BEND6: variants seen among roughly 807,000 people sequenced by gnomAD.
BEND6 encodes BEN domain-containing protein 6.
Under a neutral mutation model 31.8 loss-of-function variants are expected in BEND6, and 24 were observed. That is an observed-to-expected ratio of 0.75 (90% confidence interval 0.55 to 1.06). The LOEUF is 1.06. Among genes scored for constraint, BEND6 ranks in the 50% least tolerant of loss-of-function variants. The pLI is 0.00. For missense variants in BEND6, 294 were observed against 327.4 expected, an observed-to-expected ratio of 0.90 and a Z score of 0.79; for synonymous variants, 109 against 114.6, an observed-to-expected ratio of 0.95 and a Z score of 0.31.
chr6:57,004,311 G>A (rs549969240), intron 3 of BEND6, among the ~76,000 whole-genome samples: 62 of 152,236 alleles, frequency 4.1e-4, no homozygotes, highest in African/African-American at 1.5e-3. Context: ...AAACGATAAC[G>A]ACTCTAGTGA....
intron 6 of BEND6, among the ~76,000 whole-genome samples, chr6:57,019,848 G>C (rs1827682094): frequency 6.6e-6 from 1 of 152,196 alleles, no homozygotes; most frequent in South Asian, 2.1e-4. Context: ...AGTCCCAATG[G>C]TTTGGGAGGC....
chr6:57,015,095 A>C (rs552768315), intron 3 of BEND6, 38 bp from the exon 4 acceptor site: 1 of 1,553,020 alleles, frequency 6.4e-7, no homozygotes, highest in Admixed American at 1.7e-5. Flanking sequence ...CCTATTATCA[A>C]TGGTATTTGT....
At chr6:56,968,312 C>CTTTTTTTTTTTT (rs779756084) in intron 1 of BEND6, among the ~76,000 whole-genome samples, 49 of 65,986 alleles carry the variant, frequency 7.4e-4, no homozygotes, top group Middle Eastern at 0.019. Flanking sequence ...TCTTTCTTTT[C>CTTTTTTTTTTTT]TTTTTTTTTT....
In BEND6 at chr6:57,017,300, T is replaced by C; in HGVS notation, c.613T>C (p.Tyr205His). Residue 205 changes from tyrosine (Y) to histidine (H), a missense_variant, in exon 5 of 7, where the codon TAC becomes CAC. Transcript: ENST00000370746. Reference sequence around the variant, plus strand: ...AATGCAAGTACTTTACACAAATGAATACATGGCCACTCACAGCCTGACAGG... The same window carrying C: ...AATGCAAGTACTTTACACAAATGAACACATGGCCACTCACAGCCTGACAGG... ...DLMQVLYTNEYMATHSLTGAK... is the reference protein window; with the variant it reads ...DLMQVLYTNEHMATHSLTGAK... 6.6e-7 allele frequency: 1 copy of C among 1,514,580 alleles called. No individual in the cohort carries two copies. The highest frequency in any genetic ancestry group is 1.8e-4 in the Middle Eastern group (1 of 5,710). 93.8% of individuals were successfully genotyped at this position (1,514,580 alleles called of 1,614,324 possible).
chr6:56,995,978 AC>A (rs1826694101), intron 3 of BEND6, among the ~76,000 whole-genome samples: 1 of 152,202 alleles, frequency 6.6e-6, no homozygotes, highest in Admixed American at 6.5e-5. Flanking sequence ...TTTCCAGGAT[AC>A]CAAAATCACC....
intron 6 of BEND6, among the ~76,000 whole-genome samples, chr6:57,025,229 T>G (rs1327597741): frequency 6.6e-6 from 1 of 152,214 alleles, no homozygotes; most frequent in African/African-American, 2.4e-5. Context: ...TCTTGCTTTG[T>G]CTGTATGAAG....
At chr6:57,001,156 T>C (rs1826926470) in intron 3 of BEND6, among the ~76,000 whole-genome samples, 2 of 1,098 alleles carry the variant, frequency 1.8e-3, no homozygotes, top group Middle Eastern at 0.5. Flanking sequence ...AGAAAAAGTC[T>C]TTTTTTTTTT....
chr6:56,990,041 C>A (rs1258088673), intron 2 of BEND6, among the ~76,000 whole-genome samples: 2 of 151,942 alleles, frequency 1.3e-5, no homozygotes, highest in Non-Finnish European at 2.9e-5. Flanking sequence ...TGTTTAAATT[C>A]TTAATCCATC....
chr6:56,974,092 A>G (rs145327011), intron 1 of BEND6, among the ~76,000 whole-genome samples: 154 of 152,310 alleles, frequency 1.0e-3, no homozygotes, highest in Non-Finnish European at 1.9e-3. Context: ...TTCCCATTTA[A>G]TGTTTTCAGA....
In BEND6 at chr6:57,017,227, G is replaced by C. The variant is rs1827594465; in HGVS notation, c.540G>C (p.Gln180His). 1.3e-6 allele frequency: 2 copies of C among 1,566,292 alleles called. No individual in the cohort carries two copies. Among genetic ancestry groups the C allele is most frequent in the Admixed American group, 3.7e-5 (2 of 53,646 alleles). The change falls in exon 5 of 7, where the codon CAG (glutamine) becomes CAC (histidine). Residue 180 changes from glutamine to histidine, a missense_variant. Transcript: ENST00000370746. ...TTTAGTTCCAGATTGAAAAATGGCA[G>C]ATTGCCCGTTGTAACAAGAGCAAGC... ...DEKQFQIEKW[Q>H]IARCNKSKPQ...
chr6:56,987,652 A>G (rs1307388936), intron 2 of BEND6, among the ~76,000 whole-genome samples: 2 of 152,206 alleles, frequency 1.3e-5, no homozygotes, highest in Non-Finnish European at 2.9e-5. Context: ...ATGCTAATCA[A>G]GTTCTTATTG....
intron 3 of BEND6, among the ~76,000 whole-genome samples, chr6:57,001,050 A>G (rs1826921034): frequency 6.6e-6 from 1 of 152,136 alleles, no homozygotes; most frequent in Non-Finnish European, 1.5e-5. Flanking sequence ...ACCCACATGA[A>G]AAAGAAAAAG....
At chr6:57,008,608 G>A in intron 3 of BEND6, 1 of 173,146 alleles carries the variant, frequency 5.8e-6, no homozygotes. Context: ...CAAATGATCT[G>A]AACAGATATT....
rs1259647906 is a variant in BEND6, at chr6:57,018,473, G to C, written c.765G>C (p.Met255Ile). Reference protein sequence around the residue: ...PNTDDVSIRRMIGQKLNNCTK... With the variant: ...PNTDDVSIRRIIGQKLNNCTK... ...CGGATGATGTTTCAATTAGGAGAAT[G>C]ATAGGGCAAAAGCTAAACAACTGTA... Residue 255 changes from methionine to isoleucine, a missense_variant, in exon 6 of 7, where the codon ATG becomes ATC. Transcript: ENST00000370746. 5 of 1,591,744 alleles carry C rather than the reference G, an allele frequency of 3.1e-6. No individual in the cohort carries two copies. Among genetic ancestry groups the C allele is most frequent in the South Asian group, 1.2e-5 (1 of 85,836 alleles).
At chr6:56,987,054 C>T (rs1234329886) in intron 2 of BEND6, among the ~76,000 whole-genome samples, 1 of 148,764 alleles carries the variant, frequency 6.7e-6, no homozygotes, top group Non-Finnish European at 1.5e-5. Context: ...CTGCTCACTT[C>T]AACCTCCACC....
intron 2 of BEND6, 110 bp from the exon 3 acceptor site, chr6:56,992,268 G>A: frequency 8.2e-7 from 1 of 1,220,232 alleles, no homozygotes; most frequent in Non-Finnish European, 1.1e-6. Context: ...AGCAGGAAGT[G>A]CCTGTGAGAA....
At chr6:56,975,185 C>T (rs1044372603) in intron 1 of BEND6, among the ~76,000 whole-genome samples, 1 of 151,994 alleles carries the variant, frequency 6.6e-6, no homozygotes, top group African/African-American at 2.4e-5. Context: ...ATCAGCTGTC[C>T]AGAGTTCTCA....
At chr6:56,955,555 CCCACTCCTCT>C (rs901588881) in intron 1 of BEND6, 95 bp downstream of exon 1, 2 of 152,230 alleles carry the variant, frequency 1.3e-5, no homozygotes, top group African/African-American at 4.8e-5. Flanking sequence ...GAACGGGAGG[CCCACTCCTCT>C]CCAAGCCTCT....
chr6:56,980,379 G>C (rs1043831834), intron 1 of BEND6, among the ~76,000 whole-genome samples: 3 of 152,134 alleles, frequency 2.0e-5, no homozygotes, highest in African/African-American at 7.2e-5. Context: ...AGTAGAGATG[G>C]GGTTTCACCA....
Sources: gnomAD v4.1 joint callset for allele counts (sites outside exome capture counted in the v4.1 genomes callset) on GRCh38, gnomAD v4.1.1 for gene constraint, MANE v1.5 for transcripts, NCBI Gene and HGNC (gene_info 2026-07-23, HGNC 2026-07-21) for gene names.